ZNF366: variants seen among roughly 807,000 people sequenced by gnomAD.
ZNF366 encodes the protein dendritic cell-specific transcript protein.
A neutral mutation model predicts 47.2 loss-of-function variants in ZNF366; 20 were observed. The ratio of observed to expected loss-of-function variants is 0.42; its 90% CI spans 0.30 to 0.62. The LOEUF (loss-of-function observed/expected upper bound fraction) is 0.62. ZNF366 is among the 20% of genes least tolerant of loss of function. ZNF366 has a pLI of 0.16. For missense variants in ZNF366, 987 were observed against 976.3 expected (o/e 1.01, Z -0.15); for synonymous variants, 421 against 395.1 (o/e 1.07, Z -0.78).
In ZNF366 at chr5:72,460,367, A is replaced by T; in HGVS notation, c.1130T>A (p.Leu377Ter). Reference protein sequence around the residue: ...CVECGLDFPTLAQLKRHLTTH... With the variant: ...CVECGLDFPT ...GGTGAGGTGTCTCTTCAGCTGGGCC[A>T]AGGTGGGGAAGTCGAGGCCGCACTC... The change falls in exon 2 of 5, where the codon TTG becomes TAG. Residue 377 changes from leucine (L) to a stop codon, truncating the protein, a stop_gained. Transcript: ENST00000318442. LOFTEE classifies it high-confidence loss of function. 6.2e-7 allele frequency: 1 copy of T among 1,614,214 alleles called. No individual in the cohort carries two copies.
chr5:72,443,682 T>C lies in ZNF366; in HGVS notation c.*74A>G. The C allele has an allele frequency of 6.8e-7, 1 of 1,467,194 alleles. No homozygotes were observed. Among genetic ancestry groups the C allele is most frequent in the Non-Finnish European group, 9.2e-7 (1 of 1,086,878 alleles). 90.9% of individuals were successfully genotyped at this position (1,467,194 alleles called of 1,614,324 possible). A position where few individuals can be genotyped will look rare whatever the true frequency, so the allele number is the denominator to read the frequency against. On this transcript the variant is annotated 3_prime_UTR_variant, in exon 5 of 5. Coordinates refer to ENST00000318442, the MANE Select transcript of ZNF366 (RefSeq NM_152625.3). ...GTACTATTCGCCAGTCTCCAGAAAA[T>C]GACAGTTCATGCAGAAAGCTATATT... is the stretch of plus-strand genomic sequence containing the variant.
intron 1 of ZNF366, among the ~76,000 whole-genome samples, chr5:72,499,580 A>C (rs1469934237): frequency 6.7e-6 from 1 of 149,990 alleles, no homozygotes; most frequent in Admixed American, 6.7e-5. Flanking sequence ...AAAAATGTTC[A>C]ATATATAGAT....
chr5:72,497,372 G>A (rs143487429), intron 1 of ZNF366, among the ~76,000 whole-genome samples: 27 of 152,204 alleles, frequency 1.8e-4, no homozygotes, highest in South Asian at 8.3e-4. Flanking sequence ...ATATGGAATC[G>A]TTTCAGTACC....
intron 1 of ZNF366, among the ~76,000 whole-genome samples, chr5:72,484,379 G>A (rs937621317): frequency 6.7e-6 from 1 of 149,432 alleles, no homozygotes; most frequent in Admixed American, 6.6e-5. Flanking sequence ...AGCTACTCGG[G>A]AGGCTGAGGC....
At chr5:72,479,366 C>T (rs565740594) in intron 1 of ZNF366, among the ~76,000 whole-genome samples, 1 of 151,712 alleles carries the variant, frequency 6.6e-6, no homozygotes, top group East Asian at 1.9e-4. Flanking sequence ...AGTTTGAGAC[C>T]AGCCTGGGCA....
chr5:72,473,057 C>T (rs546193523), intron 1 of ZNF366, among the ~76,000 whole-genome samples: 3 of 152,286 alleles, frequency 2.0e-5, no homozygotes, highest in East Asian at 1.9e-4. Flanking sequence ...AACCTTTCTG[C>T]GTTGTCACTA....
At chr5:72,486,720 T>A (rs759173007) in intron 1 of ZNF366, among the ~76,000 whole-genome samples, 7 of 152,176 alleles carry the variant, frequency 4.6e-5, no homozygotes, top group Non-Finnish European at 8.8e-5. Flanking sequence ...ACCAAGCCAA[T>A]GCTGTAATGG....
At chr5:72,462,539 C>T (rs1310491715) in intron 1 of ZNF366, among the ~76,000 whole-genome samples, 7 of 82,884 alleles carry the variant, frequency 8.4e-5, no homozygotes, top group African/African-American at 4.8e-4. Context: ...TTCTTTCTTT[C>T]TTTCTTTCTT....
At chr5:72,469,978 A>C (rs1743526031) in intron 1 of ZNF366, among the ~76,000 whole-genome samples, 1 of 152,140 alleles carries the variant, frequency 6.6e-6, no homozygotes, top group South Asian at 2.1e-4. Context: ...TCGGGATTTC[A>C]AGGCTGCAGT....
Position 72,460,732 on chromosome 5 carries a change from G to A in ZNF366, c.765C>T (p.Cys255=). 2 of 1,614,218 alleles carry A rather than the reference G, an allele frequency of 1.2e-6. No homozygotes were observed. Among genetic ancestry groups the A allele is most frequent in the Admixed American group, 1.7e-5 (1 of 60,034 alleles). Residue 255 remains cysteine, a synonymous_variant, in exon 2 of 5, where the codon TGC becomes TGT. Coordinates refer to ENST00000318442, the MANE Select transcript of ZNF366 (RefSeq NM_152625.3). ...AGGTGTAGGACTTCTCGCAGGTGGGGCACTGCCAGCGCTTCTGCGAGCCGC... is the reference window on the plus strand; with the variant it reads ...AGGTGTAGGACTTCTCGCAGGTGGGACACTGCCAGCGCTTCTGCGAGCCGC... ...DVGGSQKRWQ[C]PTCEKSYTSK... is the part of the protein sequence containing the mutation.
At chr5:72,449,529 G>C (rs567406500) in intron 3 of ZNF366, among the ~76,000 whole-genome samples, 24 of 152,322 alleles carry the variant, frequency 1.6e-4, no homozygotes, top group Non-Finnish European at 3.2e-4. Flanking sequence ...AAGCCACCAT[G>C]CCAGGCCAAA....
chr5:72,479,844 G>T (rs570375270), intron 1 of ZNF366, among the ~76,000 whole-genome samples: 29 of 152,236 alleles, frequency 1.9e-4, no homozygotes, highest in Non-Finnish European at 4.0e-4. Flanking sequence ...TGACTGGAAG[G>T]TATAAGACTG....
intron 3 of ZNF366, among the ~76,000 whole-genome samples, chr5:72,452,410 C>A (rs1156524079): frequency 6.6e-6 from 1 of 152,212 alleles, no homozygotes; most frequent in Non-Finnish European, 1.5e-5. Flanking sequence ...GCAGTTCATA[C>A]GGCTATATCC....
At chr5:72,492,382 T>G (rs1744030398) in intron 1 of ZNF366, among the ~76,000 whole-genome samples, 1 of 152,198 alleles carries the variant, frequency 6.6e-6, no homozygotes, top group Non-Finnish European at 1.5e-5. Context: ...TGTCATCTGA[T>G]TATTGCCTAG....
intron 1 of ZNF366, among the ~76,000 whole-genome samples, chr5:72,501,266 TA>T (rs1744205647): frequency 6.6e-6 from 1 of 152,190 alleles, no homozygotes; most frequent in Non-Finnish European, 1.5e-5. Flanking sequence ...AGTGGGGCCA[TA>T]ATCTATCAAA....
rs949286265 is a variant in ZNF366 at position 72,473,911 on chromosome 5, T to C, written c.-14-12401A>G. ...GTAGATATCCCTTGCTTGGTTGTGA[T>C]CCTCTTACTATGCATTGCTATATCT... is the stretch of plus-strand genomic sequence containing the variant. On this transcript the variant is annotated intron_variant, in intron 1 of 4. Coordinates refer to ENST00000318442, the MANE Select transcript of ZNF366 (RefSeq NM_152625.3). Among the ~76,000 whole-genome samples the C allele has an allele frequency of 1.1e-4, 16 of 152,346 alleles. 1 individual carries two copies. Among genetic ancestry groups the C allele is most frequent in the Non-Finnish European group, 1.3e-4 (9 of 68,038 alleles).
intron 3 of ZNF366, among the ~76,000 whole-genome samples, chr5:72,449,224 C>T (rs116021306): frequency 0.012 from 1,739 of 151,042 alleles, 17 homozygotes; most frequent in Middle Eastern, 0.031. Flanking sequence ...AATTTGCCCA[C>T]TTCTCCACCA....
chr5:72,494,879 C>T (rs1286525801), intron 1 of ZNF366, among the ~76,000 whole-genome samples: 1 of 152,096 alleles, frequency 6.6e-6, no homozygotes, highest in African/African-American at 2.4e-5. Flanking sequence ...TAATAATATT[C>T]TAATCCAAAT....
At chr5:72,447,540 A>G in intron 3 of ZNF366, 123 bp from the exon 4 acceptor site, 1 of 1,177,180 alleles carries the variant, frequency 8.5e-7, no homozygotes, top group Non-Finnish European at 1.2e-6. Context: ...GCTTGCAAGG[A>G]AAATGTCCAT....
Sources: allele counts gnomAD v4.1 joint callset (sites outside exome capture counted in the v4.1 genomes callset), GRCh38; gene constraint gnomAD v4.1.1; transcripts MANE v1.5; gene names NCBI Gene and HGNC (gene_info 2026-07-23, HGNC 2026-07-21).